The following ACOXL variants were observed in gnomAD, a reference collection of about 807,000 sequenced individuals.
ACOXL encodes acyl-CoA oxidase like.
In ACOXL, 70 loss-of-function variants were observed where a neutral mutation model predicts 71.9. The observed-to-expected ratio is 0.97, with a 90% CI of 0.80 to 1.19. The LOEUF (loss-of-function observed/expected upper bound fraction) is 1.19. Ranked by LOEUF, ACOXL falls within the 50% of genes most tolerant of loss-of-function variation. The probability of loss-of-function intolerance (pLI) is 0.00; values close to 1 mark genes in which losing one functional copy is unlikely to be tolerated. For synonymous variants in ACOXL, 253 were observed against 281.6 expected, an observed-to-expected ratio of 0.90 and a Z score of 1.02; for missense variants, 703 against 736.3, an observed-to-expected ratio of 0.95 and a Z score of 0.52.
chr2:110,829,364 C>T (rs762027450), intron 9 of ACOXL, among the ~76,000 whole-genome samples: 1 of 152,104 alleles, frequency 6.6e-6, no homozygotes, highest in African/African-American at 2.4e-5. Context: ...TACTGATAGC[C>T]GTGGGGCATG....
chr2:110,811,316 G>C (rs1030520621), intron 9 of ACOXL, among the ~76,000 whole-genome samples: 11 of 152,284 alleles, frequency 7.2e-5, no homozygotes, highest in East Asian at 5.8e-4. Flanking sequence ...CTTGCACGGT[G>C]GGGGGTCAGT....
intron 10 of ACOXL, among the ~76,000 whole-genome samples, chr2:110,879,767 A>C (rs962075631): frequency 3.3e-5 from 5 of 152,106 alleles, no homozygotes; most frequent in African/African-American, 9.7e-5. Context: ...TTAAATATGC[A>C]TGCTGAAATG....
intron 12 of ACOXL, among the ~76,000 whole-genome samples, chr2:110,935,888 G>T (rs549164481): frequency 1.3e-5 from 2 of 152,084 alleles, no homozygotes; most frequent in African/African-American, 4.8e-5. Flanking sequence ...AGATGTTTTC[G>T]GGATGAAACT....
intron 12 of ACOXL, among the ~76,000 whole-genome samples, chr2:110,944,684 T>C (rs952627604): frequency 6.6e-6 from 1 of 152,204 alleles, no homozygotes; most frequent in Admixed American, 6.5e-5. Flanking sequence ...TCTCATTCCT[T>C]TTTATGGCAG....
chr2:110,828,868 A>G (rs901072183), intron 9 of ACOXL, among the ~76,000 whole-genome samples: 2 of 151,988 alleles, frequency 1.3e-5, no homozygotes, highest in African/African-American at 2.4e-5. Context: ...CTAGAGTGCA[A>G]TGGCGCAATC....
chr2:110,861,106 C>T (rs1693904400), intron 10 of ACOXL, among the ~76,000 whole-genome samples: 1 of 152,170 alleles, frequency 6.6e-6, no homozygotes, highest in Non-Finnish European at 1.5e-5. Flanking sequence ...TGCACTCCTG[C>T]CTGGGCAACA....
chr2:110,754,710 C>A (rs1276819845), intron 1 of ACOXL, among the ~76,000 whole-genome samples: 3 of 152,164 alleles, frequency 2.0e-5, no homozygotes, highest in African/African-American at 7.2e-5. Flanking sequence ...ATGGATGTGT[C>A]ACAGTTTGTT....
rs1468696477 is a variant in ACOXL, at chr2:110,788,351, C to G, written c.159+3536C>G. Among the ~76,000 whole-genome samples the G allele has an allele frequency of 4.6e-5, 7 of 152,226 alleles. No individual in the cohort carries two copies. The East Asian group carries it at 1.4e-3, about 29-fold the overall frequency. On this transcript the variant is annotated intron_variant, in intron 3 of 17. Coordinates refer to ENST00000439055, the MANE Select transcript of ACOXL (RefSeq NM_001142807.4). ...GACACATGCCACCATGTGGATGAAC[C>G]TTGAAATTATTAAGTGAAGTAAGCC...
intron 14 of ACOXL, among the ~76,000 whole-genome samples, chr2:111,027,375 G>T (rs985900472): frequency 1.6e-4 from 24 of 151,120 alleles, no homozygotes; most frequent in Admixed American, 1.1e-3. Context: ...AGGCTGGAGT[G>T]CAGTGCCATG....
intron 12 of ACOXL, among the ~76,000 whole-genome samples, chr2:110,980,844 C>T (rs1179238104): frequency 1.3e-5 from 2 of 152,200 alleles, no homozygotes; most frequent in African/African-American, 2.4e-5. Flanking sequence ...TTGCTGCTAC[C>T]GTTCCTTCTC....
chr2:111,010,698 G>A (rs1319023331), intron 14 of ACOXL, among the ~76,000 whole-genome samples: 1 of 152,088 alleles, frequency 6.6e-6, no homozygotes, highest in Non-Finnish European at 1.5e-5. Context: ...AGTTAGAAGA[G>A]AACAAAGAAC....
intron 11 of ACOXL, among the ~76,000 whole-genome samples, chr2:110,913,570 A>G (rs2149258585): frequency 6.6e-6 from 1 of 152,330 alleles, no homozygotes; most frequent in East Asian, 1.9e-4. Context: ...AGAGATGGAA[A>G]CTAAATCAGT....
intron 13 of ACOXL, among the ~76,000 whole-genome samples, chr2:110,992,576 CTA>C (rs2063219963): frequency 6.6e-6 from 1 of 152,236 alleles, no homozygotes; most frequent in South Asian, 2.1e-4. Flanking sequence ...CGCACAGTAA[CTA>C]CCCCTCATTT....
chr2:111,046,738 G>A (rs1257414392), intron 15 of ACOXL, among the ~76,000 whole-genome samples: 2 of 152,124 alleles, frequency 1.3e-5, no homozygotes, highest in African/African-American at 4.8e-5. Context: ...GATGAGATTT[G>A]AGTGGGGATA....
intron 15 of ACOXL, among the ~76,000 whole-genome samples, chr2:111,037,440 A>G (rs949816068): frequency 6.6e-6 from 1 of 152,128 alleles, no homozygotes; most frequent in African/African-American, 2.4e-5. Flanking sequence ...TGACACCCGA[A>G]TGATGTGTGT....
At chr2:111,068,756 C>T (rs1432339402) in intron 16 of ACOXL, among the ~76,000 whole-genome samples, 2 of 152,180 alleles carry the variant, frequency 1.3e-5, no homozygotes, top group African/African-American at 4.8e-5. Context: ...TTTTTGACCC[C>T]AACACCACTA....
chr2:110,742,416 GTTC>G (rs1295229222), intron 1 of ACOXL, among the ~76,000 whole-genome samples: 3 of 152,218 alleles, frequency 2.0e-5, no homozygotes, highest in Non-Finnish European at 2.9e-5. Flanking sequence ...TTTCCTTCTT[GTTC>G]TTCTTTCCTT....
chr2:110,875,933 C>G (rs1484280052), intron 10 of ACOXL, among the ~76,000 whole-genome samples: 1 of 152,128 alleles, frequency 6.6e-6, no homozygotes, highest in African/African-American at 2.4e-5. Context: ...AGTAGAACCA[C>G]TTCTGGGGCC....
chr2:111,035,595 T>G (rs1308572575), intron 15 of ACOXL, among the ~76,000 whole-genome samples: 1 of 152,256 alleles, frequency 6.6e-6, no homozygotes, highest in Non-Finnish European at 1.5e-5. Flanking sequence ...CAGGAAGTCC[T>G]CTTTCTGGTT....
Sources: gnomAD v4.1 joint callset for allele counts (sites outside exome capture counted in the v4.1 genomes callset) on GRCh38, gnomAD v4.1.1 for gene constraint, MANE v1.5 for transcripts, NCBI Gene and HGNC (gene_info 2026-07-23, HGNC 2026-07-21) for gene names.